Variants in WNT4 observed in about 807,000 individuals in gnomAD.
WNT4 encodes the protein Wnt family member 4.
WNT4 carries 16 observed loss-of-function variants against 34.5 expected under a neutral mutation model. That is an observed-to-expected ratio of 0.46 (90% CI 0.31 to 0.70). The LOEUF is 0.70. Among genes scored for constraint, WNT4 ranks in the 30% least tolerant of loss-of-function variants. The pLI, the probability that WNT4 is intolerant of heterozygous loss-of-function variation, is 0.04. For synonymous variants in WNT4, 200 were observed against 211.9 expected, an observed-to-expected ratio of 0.94 and a Z score of 0.49; for missense variants, 379 against 495.9, an observed-to-expected ratio of 0.76 and a Z score of 2.24.
chr1:22,128,622 G>A (rs1645957925), intron 2 of WNT4, among the ~76,000 whole-genome samples: 1 of 152,160 alleles, frequency 6.6e-6, no homozygotes, highest in Admixed American at 6.5e-5. Flanking sequence ...GGCTCCCCTG[G>A]CCCATTGATC....
At chr1:22,141,841 C>T (rs1646070316) in intron 1 of WNT4, among the ~76,000 whole-genome samples, 2 of 152,330 alleles carry the variant, frequency 1.3e-5, no homozygotes, top group South Asian at 4.1e-4. Context: ...ATGGAAACCC[C>T]AGCTACACTG....
At chr1:22,141,259 TTTTC>T (rs1379499037) in intron 1 of WNT4, among the ~76,000 whole-genome samples, 1 of 152,212 alleles carries the variant, frequency 6.6e-6, no homozygotes, top group Non-Finnish European at 1.5e-5. Flanking sequence ...TGCCACTTTT[TTTTC>T]TTTGTTTTTT....
rs890976982 is a variant in WNT4 at position 22,140,892 on chromosome 1, C to G, written c.77+1954G>C. Among the ~76,000 whole-genome samples the G allele has an allele frequency of 6.6e-6, 1 of 152,250 alleles. No individual in the cohort carries two copies. Among genetic ancestry groups the G allele is most frequent in the Non-Finnish European group, 1.5e-5 (1 of 68,044 alleles). Reference sequence around the variant, plus strand: ...TCTCCTAGGCTGCCCCTCCTCACCCCACCCCCAACAGCACAGGCAGGAGAA... The same window carrying G: ...TCTCCTAGGCTGCCCCTCCTCACCCGACCCCCAACAGCACAGGCAGGAGAA... On this transcript the variant is annotated intron_variant, in intron 1 of 4. Transcript: ENST00000290167. The surrounding 1 kb of genome is among the most constrained non-coding windows in gnomAD (Gnocchi z 5.9).
chr1:22,141,407 A>G (rs736835), intron 1 of WNT4, among the ~76,000 whole-genome samples: 2 of 151,934 alleles, frequency 1.3e-5, no homozygotes, highest in Non-Finnish European at 2.9e-5. Flanking sequence ...CTCCAGGGAC[A>G]CCCAGGGTCC....
Position 22,140,267 on chromosome 1 carries a change from A to G in WNT4, c.77+2579T>C. 1 of 985,464 alleles carries G rather than the reference A, an allele frequency of 1.0e-6. No individual in the cohort carries two copies. The highest frequency in any genetic ancestry group is 1.2e-6 in the Non-Finnish European group (1 of 829,932). The allele number at this position is 985,464 out of a possible 1,614,324, so 61.0% of individuals were successfully genotyped here. On this transcript the variant is annotated intron_variant, in intron 1 of 4. Coordinates refer to ENST00000290167, the MANE Select transcript of WNT4 (RefSeq NM_030761.5). This position sits in a 1 kb window ranked among gnomAD's most constrained non-coding sequence, Gnocchi z 5.9. ...CTGCCTCCCCGAAGCTTTTCCTTCT[A>G]GAGGCAGCTTTTCAGTCGGACACCT... is the stretch of plus-strand genomic sequence containing the variant.
Position 22,134,056 on chromosome 1 carries a change from GGGAAATAGCT to G in WNT4, c.78-4215_78-4206del, listed in dbSNP as rs1255825579. Among the ~76,000 whole-genome samples, 1 of 152,258 alleles carries G rather than the reference GGGAAATAGCT, an allele frequency of 6.6e-6. No homozygotes were observed. Among genetic ancestry groups the G allele is most frequent in the Non-Finnish European group, 1.5e-5 (1 of 68,048 alleles). ...GCTGTGAGTCAAGAGGAGAGGGGAC[GGGAAATAGCT>G]GGAGCGTTTGGGAGGCCAAGCAGAT... On this transcript the variant is annotated intron_variant, in intron 1 of 4. Coordinates refer to ENST00000290167, the MANE Select transcript of WNT4 (RefSeq NM_030761.5). The surrounding 1 kb of genome is among the most constrained non-coding windows in gnomAD (Gnocchi z 4.1).
Position 22,120,610 on chromosome 1 carries a change from C to T in WNT4, c.589-93G>A, listed in dbSNP as rs1263566106. The T allele has an allele frequency of 6.9e-6, 9 of 1,295,744 alleles. No individual in the cohort carries two copies. In the Admixed American group the frequency reaches 1.3e-4, roughly 18 times the overall value. The allele number at this position is 1,295,744 out of a possible 1,614,324, so 80.3% of individuals were successfully genotyped here. A position where few individuals can be genotyped will look rare whatever the true frequency, so the allele number is the denominator to read the frequency against. ...GGCTGACAGCCGAGCATCGGGGTCC[C>T]TGGGGCTGACGCTGCAGTCAGATTT... On this transcript the variant is annotated intron_variant, in intron 4 of 4. Coordinates refer to ENST00000290167, the MANE Select transcript of WNT4 (RefSeq NM_030761.5).
Position 22,140,421 on chromosome 1 carries a change from T to C in WNT4, c.77+2425A>G, listed in dbSNP as rs1646057204. On this transcript the variant is annotated intron_variant, in intron 1 of 4. Coordinates refer to ENST00000290167, the MANE Select transcript of WNT4 (RefSeq NM_030761.5). The surrounding 1 kb of genome is among the most constrained non-coding windows in gnomAD (Gnocchi z 5.9). ...GGAGTCATCATAATAATTATTATTGTCATGATCATACAGTCTTCAGACCAA... is the reference window on the plus strand; with the variant it reads ...GGAGTCATCATAATAATTATTATTGCCATGATCATACAGTCTTCAGACCAA... 3.2e-6 allele frequency: 1 copy of C among 313,300 alleles called. No individual in the cohort carries two copies. Among genetic ancestry groups the C allele is most frequent in the African/African-American group, 2.3e-5 (1 of 44,382 alleles). 19.4% of individuals were successfully genotyped at this position (313,300 alleles called of 1,614,324 possible).
rs1323272395 is a variant in WNT4, at chr1:22,121,431, C to T, written c.445+14G>A. 6.2e-7 allele frequency: 1 copy of T among 1,613,872 alleles called. No homozygotes were observed. Among genetic ancestry groups the T allele is most frequent in the African/African-American group, 1.3e-5 (1 of 74,934 alleles). On this transcript the variant is annotated intron_variant, in intron 3 of 4. Transcript: ENST00000290167. ...GCCCCCTGCCCTCCCACTCTGACCACCTCCTGCACCTACCCTGTGGGCTGA... is the reference window on the plus strand; with the variant it reads ...GCCCCCTGCCCTCCCACTCTGACCATCTCCTGCACCTACCCTGTGGGCTGA...
Position 22,139,596 on chromosome 1 carries a change from C to T in WNT4, c.77+3250G>A, listed in dbSNP as rs1379396570. ...GAAATCCACAGTCCTGAAACCTTAGCTTATTTATTCCCTAACCCTCCCCAG... is the reference window on the plus strand; with the variant it reads ...GAAATCCACAGTCCTGAAACCTTAGTTTATTTATTCCCTAACCCTCCCCAG... On this transcript the variant is annotated intron_variant, in intron 1 of 4. Coordinates refer to ENST00000290167, the MANE Select transcript of WNT4 (RefSeq NM_030761.5). The surrounding 1 kb of genome is among the most constrained non-coding windows in gnomAD (Gnocchi z 4.6). Among the ~76,000 whole-genome samples the T allele has an allele frequency of 6.6e-6, 1 of 152,186 alleles. No homozygotes were observed. The highest frequency in any genetic ancestry group is 1.9e-4 in the East Asian group (1 of 5,200).
chr1:22,130,562 AGGGGTTG>A (rs771138776), intron 1 of WNT4, among the ~76,000 whole-genome samples: 3 of 152,204 alleles, frequency 2.0e-5, no homozygotes, highest in Non-Finnish European at 4.4e-5. Flanking sequence ...GGGATTTTCT[AGGGGTTG>A]GCTGTGAAGA....
At chr1:22,124,463 AG>A (rs1645926128) in intron 2 of WNT4, among the ~76,000 whole-genome samples, 1 of 152,184 alleles carries the variant, frequency 6.6e-6, no homozygotes, top group Admixed American at 6.5e-5. Flanking sequence ...CAAGGTGCTA[AG>A]GCTGCCTGGG....
intron 2 of WNT4, among the ~76,000 whole-genome samples, chr1:22,125,530 T>C (rs1645933717): frequency 1.3e-5 from 2 of 152,122 alleles, no homozygotes; most frequent in Admixed American, 1.3e-4. Context: ...GTCAGGAAGG[T>C]GTCCTAGATG....
chr1:22,132,676 C>T (rs1645993269), intron 1 of WNT4, among the ~76,000 whole-genome samples: 1 of 152,204 alleles, frequency 6.6e-6, no homozygotes, highest in Admixed American at 6.5e-5. Context: ...GAATGACAGT[C>T]GCAGGGGCTT....
chr1:22,126,672 CT>C (rs1645942759), intron 2 of WNT4, among the ~76,000 whole-genome samples: 1 of 152,226 alleles, frequency 6.6e-6, no homozygotes, highest in African/African-American at 2.4e-5. Context: ...AGCCAGGCCG[CT>C]CATGTATGCA....
rs1381644987 is a variant in WNT4, at chr1:22,134,786, C to G, written c.78-4935G>C. On this transcript the variant is annotated intron_variant, in intron 1 of 4. Transcript: ENST00000290167. The surrounding 1 kb of genome is among the most constrained non-coding windows in gnomAD (Gnocchi z 4.1). ...CCCCTCCCACAGCCTCTCCCAGTTC[C>G]TCTGGCCACCCCTCTGCTGCACCCC... is the stretch of plus-strand genomic sequence containing the variant. Among the ~76,000 whole-genome samples the G allele has an allele frequency of 6.6e-6, 1 of 152,216 alleles. No homozygotes were observed. Among genetic ancestry groups the G allele is most frequent in the Non-Finnish European group, 1.5e-5 (1 of 68,038 alleles).
At position 22,142,930 on chromosome 1, in the gene WNT4, C is replaced by T. The variant is rs1398771537; in HGVS notation, c.-8G>A. 4 of 1,127,200 alleles carry T rather than the reference C, an allele frequency of 3.5e-6. No homozygotes were observed. Among genetic ancestry groups the T allele is most frequent in the Non-Finnish European group, 4.4e-6 (4 of 901,248 alleles). 69.8% of individuals were successfully genotyped at this position (1,127,200 alleles called of 1,614,324 possible). On this transcript the variant is annotated 5_prime_UTR_variant, in exon 1 of 5. Transcript: ENST00000290167. The surrounding 1 kb of genome is among the most constrained non-coding windows in gnomAD (Gnocchi z 6.0). Reference sequence around the variant, plus strand: ...GCACGAGCGGGGACTCATGGTGCCGCCGCGGGCGCCCGGCCCGGGGCAGCG... The same window carrying T: ...GCACGAGCGGGGACTCATGGTGCCGTCGCGGGCGCCCGGCCCGGGGCAGCG...
At chr1:22,136,010 C>G (rs1041004321) in intron 1 of WNT4, among the ~76,000 whole-genome samples, 30 of 152,314 alleles carry the variant, frequency 2.0e-4, no homozygotes, top group African/African-American at 6.5e-4. Context: ...CTTCCAGTAT[C>G]CTGGTACCCT....
chr1:22,134,652 C>G lies in WNT4; in HGVS notation c.78-4801G>C, dbSNP rs552060973. Reference sequence around the variant, plus strand: ...AAGTGGGGAGACTGGAATTCCTGCACGCAGGAGGCCTAAATGAATGAAATC... The same window carrying G: ...AAGTGGGGAGACTGGAATTCCTGCAGGCAGGAGGCCTAAATGAATGAAATC... On this transcript the variant is annotated intron_variant, in intron 1 of 4. Coordinates refer to ENST00000290167, the MANE Select transcript of WNT4 (RefSeq NM_030761.5). The surrounding 1 kb of genome is among the most constrained non-coding windows in gnomAD (Gnocchi z 4.1). Among the ~76,000 whole-genome samples the G allele has an allele frequency of 6.6e-6, 1 of 152,148 alleles. No homozygotes were observed. The highest frequency in any genetic ancestry group is 1.5e-5 in the Non-Finnish European group (1 of 68,024).
Sources: gnomAD v4.1 joint callset for allele counts (sites outside exome capture counted in the v4.1 genomes callset) on GRCh38, gnomAD v4.1.1 for gene constraint, Gnocchi (gnomAD v3.1) non-coding constraint, MANE v1.5 for transcripts, NCBI Gene and HGNC (gene_info 2026-07-23, HGNC 2026-07-21) for gene names.